The following POGK variants were observed in gnomAD, a reference collection of about 807,000 sequenced individuals.
The protein encoded by POGK is pogo transposable element derived with KRAB domain.
POGK carries 16 observed loss-of-function variants against 54.4 expected under a neutral mutation model. The ratio of observed to expected loss-of-function variants is 0.29; its 90% CI spans 0.20 to 0.45. POGK has a LOEUF of 0.45. Ranked by LOEUF, POGK falls within the 20% of genes least tolerant of loss-of-function variation. The pLI, the probability that POGK is intolerant of heterozygous loss-of-function variation, is 1.00. For synonymous variants in POGK, 271 were observed against 302.2 expected, an observed-to-expected ratio of 0.90 and a Z score of 1.07; for missense variants, 515 against 795.6, an observed-to-expected ratio of 0.65 and a Z score of 4.24.
chr1:166,849,654 C>G lies in POGK; in HGVS notation c.1075C>G (p.Gln359Glu), dbSNP rs1433793683. 6.2e-7 allele frequency: 1 copy of G among 1,614,248 alleles called. No homozygotes were observed. Among genetic ancestry groups the G allele is most frequent in the Admixed American group, 1.7e-5 (1 of 60,038 alleles). ...LRRAHDYEVA[Q>E]MGNADETPIC... ...CAGGGCGCATGACTATGAGGTAGCT[C>G]AGATGGGGAATGCAGATGAGACGCC... The change falls in exon 5 of 6, where the codon CAG becomes GAG. Residue 359 changes from glutamine to glutamate, a missense_variant. By Grantham distance (29) the Gln-to-Glu change is conservative (BLOSUM62 2). Around this residue, in one of 2 missense-constraint regions of POGK, gnomAD observed 461 missense variants for 743.5 expected, o/e 0.62. Transcript: ENST00000367876.
intron 5 of POGK, chr1:166,851,394 A>G (rs1354744272): frequency 2.0e-5 from 3 of 152,262 alleles, no homozygotes; most frequent in African/African-American, 7.2e-5. Flanking sequence ...GGGCTATGAC[A>G]ATAATTTCCT....
chr1:166,844,843 G>C (rs1053784358), intron 2 of POGK, among the ~76,000 whole-genome samples: 1 of 152,208 alleles, frequency 6.6e-6, no homozygotes, highest in East Asian at 1.9e-4. Flanking sequence ...TCAGGGACAT[G>C]TGGGTGTGCT....
At chr1:166,852,518 T>C (rs1237923115) in intron 5 of POGK, 67 bp from the exon 6 acceptor site, 1 of 152,054 alleles carries the variant, frequency 6.6e-6, no homozygotes, top group Admixed American at 6.6e-5. Context: ...GATGGAATTA[T>C]TATGTTTGTT....
At chr1:166,850,604 G>C (rs1293126097) in intron 5 of POGK, 181 bp downstream of exon 5, 2 of 619,336 alleles carry the variant, frequency 3.2e-6, no homozygotes, top group Non-Finnish European at 5.3e-6. Flanking sequence ...TCAGGAACTG[G>C]GCTGCACAGC....
rs761226313 is a variant in POGK, at chr1:166,854,527, A to G, written c.*1957A>G. On this transcript the variant is annotated 3_prime_UTR_variant, in exon 6 of 6. Transcript: ENST00000367876. The stretch of plus-strand genomic sequence containing the variant: ...TTAGCATTGTGAAAAGTTACATTCA[A>G]GGTATTGGCTACACCTTATTCTCCA... 2 of 152,340 alleles carry G rather than the reference A, an allele frequency of 1.3e-5. No homozygotes were observed. The highest frequency in any genetic ancestry group is 2.1e-4 in the South Asian group (1 of 4,820). The allele number at this position is 152,340 out of a possible 1,614,324, so 9.4% of individuals were successfully genotyped here.
Position 166,849,455 on chromosome 1 carries a change from C to T in POGK, c.876C>T (p.Ile292=), listed in dbSNP as rs746494790. 1.7e-5 allele frequency: 27 copies of T among 1,614,124 alleles called. No homozygotes were observed. The highest frequency in any genetic ancestry group is 2.1e-5 in the Non-Finnish European group (25 of 1,180,048). Residue 292 remains isoleucine (I), a synonymous_variant, in exon 5 of 6, where the codon ATC becomes ATT. Transcript: ENST00000367876. Reference sequence around the variant, plus strand: ...CGATGCAGCTGAAAGCTCTCGAAATCGCCCAGGAAATGAACATTCCAGAGA... The same window carrying T: ...CGATGCAGCTGAAAGCTCTCGAAATTGCCCAGGAAATGAACATTCCAGAGA... ...REAMQLKALE[I]AQEMNIPEKG...
Position 166,850,343 on chromosome 1 carries a change from T to G in POGK, c.1764T>G (p.Ser588Arg). The G allele has an allele frequency of 1.2e-6, 2 of 1,612,856 alleles. No homozygotes were observed. The highest frequency in any genetic ancestry group is 1.7e-6 in the Non-Finnish European group (2 of 1,179,662). ...ACGATGTCCTGTGGGAAATCGAGAG[T>G]GAGTTGCCAGGAGGAGGAGAACCAC... ...EEDDVLWEIE[S>R]ELPGGGEPPK... Residue 588 changes from serine to arginine, a missense_variant, in exon 5 of 6, where the codon AGT becomes AGG. This residue lies in a region of POGK where 461 missense variants were observed against 743.5 expected (regional missense o/e 0.62). Coordinates refer to ENST00000367876, the MANE Select transcript of POGK (RefSeq NM_017542.5).
At position 166,856,200 on chromosome 1, in the gene POGK, T is replaced by C. The variant is rs1023233585; in HGVS notation, c.*3630T>C. On this transcript the variant is annotated 3_prime_UTR_variant, in exon 6 of 6. Coordinates refer to ENST00000367876, the MANE Select transcript of POGK (RefSeq NM_017542.5). ...AAAATTTTAAATTAGCCGGGCATGG[T>C]GGTGTGAATCTGTAGTCCCAGCTAC... is the stretch of plus-strand genomic sequence containing the variant. 2 of 151,878 alleles carry C rather than the reference T, an allele frequency of 1.3e-5. No homozygotes were observed. The highest frequency in any genetic ancestry group is 4.8e-5 in the African/African-American group (2 of 41,332). 9.4% of individuals were successfully genotyped at this position (151,878 alleles called of 1,614,324 possible).
At chr1:166,844,945 G>T (rs1296702065) in intron 2 of POGK, among the ~76,000 whole-genome samples, 1 of 152,164 alleles carries the variant, frequency 6.6e-6, no homozygotes. Context: ...CAAGAAAGGG[G>T]AGGCCCTCCA....
At position 166,850,467 on chromosome 1, in the gene POGK, C is replaced by CT. The variant is rs1658017665; in HGVS notation, c.*14+45dup. 4 of 1,523,974 alleles carry CT rather than the reference C, an allele frequency of 2.6e-6. No homozygotes were observed. In the South Asian group the frequency reaches 3.9e-5, roughly 15 times the overall value. 94.4% of individuals were successfully genotyped at this position (1,523,974 alleles called of 1,614,324 possible). On this transcript the variant is annotated intron_variant, in intron 5 of 5. Coordinates refer to ENST00000367876, the MANE Select transcript of POGK (RefSeq NM_017542.5). ...ATACTCAGTGCCTTTGCTGACATGT[C>CT]TGTGTTCTACAAACACCTTCTCTCC...
chr1:166,840,637 C>A (rs550949251), intron 1 of POGK, among the ~76,000 whole-genome samples: 1 of 152,344 alleles, frequency 6.6e-6, no homozygotes, highest in Non-Finnish European at 1.5e-5. Context: ...CTGCTTAAAA[C>A]CTTTTCCAGG....
rs770373506 is a variant in POGK, at chr1:166,853,468, C to A, written c.*898C>A. 2.0e-5 allele frequency: 3 copies of A among 152,514 alleles called. No individual in the cohort carries two copies. The highest frequency in any genetic ancestry group is 6.5e-5 in the Admixed American group (1 of 15,268). 9.4% of individuals were successfully genotyped at this position (152,514 alleles called of 1,614,324 possible). On this transcript the variant is annotated 3_prime_UTR_variant, in exon 6 of 6. Coordinates refer to ENST00000367876, the MANE Select transcript of POGK (RefSeq NM_017542.5). ...CATCTGATGCTTGTTTTGTTAATTT[C>A]TTTAATATTTTTATCACGGGGCAGT...
At chr1:166,840,078 C>T (rs901760622) in intron 1 of POGK, 1 of 152,216 alleles carries the variant, frequency 6.6e-6, no homozygotes, top group Non-Finnish European at 1.5e-5. Context: ...CCGCGTTCGC[C>T]TATCTTTTTT....
Position 166,849,089 on chromosome 1 carries a change from C to G in POGK, c.510C>G (p.Phe170Leu). Reference sequence around the variant, plus strand: ...CCGAGTGGAGTGAGGGGTACCCCTTCTACATGGCCATGGGCTTCCCAGGGT... The same window carrying G: ...CCGAGTGGAGTGAGGGGTACCCCTTGTACATGGCCATGGGCTTCCCAGGGT... Reference protein sequence around the residue: ...ELPEWSEGYPFYMAMGFPGYD... With the variant: ...ELPEWSEGYPLYMAMGFPGYD... The change falls in exon 5 of 6, where the codon TTC becomes TTG. Residue 170 changes from phenylalanine (F) to leucine (L), a missense_variant. Phe to Leu is a conservative substitution (Grantham distance 22). Coordinates refer to ENST00000367876, the MANE Select transcript of POGK (RefSeq NM_017542.5). 6.2e-7 allele frequency: 1 copy of G among 1,614,180 alleles called. No individual in the cohort carries two copies. The highest frequency in any genetic ancestry group is 2.2e-5 in the East Asian group (1 of 44,872).
chr1:166,845,539 G>A (rs1370912126), intron 2 of POGK, among the ~76,000 whole-genome samples: 1 of 152,114 alleles, frequency 6.6e-6, no homozygotes, highest in Admixed American at 6.5e-5. Context: ...GTAAGTGACT[G>A]TTGGCCTGAC....
chr1:166,841,661 A>G (rs549985439), intron 2 of POGK, among the ~76,000 whole-genome samples: 1 of 152,366 alleles, frequency 6.6e-6, no homozygotes, highest in South Asian at 2.1e-4. Context: ...ATAGTTACAG[A>G]TAGTTATTCA....
Position 166,849,380 on chromosome 1 carries a change from C to T in POGK, c.801C>T (p.Ala267=), listed in dbSNP as rs1657970085. ...TTGCTCTGGTGGACCAGCGTGTGGC[C>T]GAATATGTCAGATACATGCAGGCCA... The part of the protein sequence containing the change: ...GRFALVDQRV[A]EYVRYMQAKG... Residue 267 remains alanine (A), a synonymous_variant, in exon 5 of 6, where the codon GCC becomes GCT. Transcript: ENST00000367876. 8.7e-6 allele frequency: 14 copies of T among 1,614,006 alleles called. No homozygotes were observed. Among genetic ancestry groups the T allele is most frequent in the East Asian group, 2.2e-5 (1 of 44,886 alleles).
rs1658227669 is a variant in POGK, at chr1:166,855,068, T to G, written c.*2498T>G. On this transcript the variant is annotated 3_prime_UTR_variant, in exon 6 of 6. Coordinates refer to ENST00000367876, the MANE Select transcript of POGK (RefSeq NM_017542.5). ...TCAGGCAATGGAAAGGAAAAGTGTTTGTCCTTGGTTGATCAGAGAAGTGGG... is the reference window on the plus strand; with the variant it reads ...TCAGGCAATGGAAAGGAAAAGTGTTGGTCCTTGGTTGATCAGAGAAGTGGG... 1 of 150,826 alleles carries G rather than the reference T, an allele frequency of 6.6e-6. No individual in the cohort carries two copies. The highest frequency in any genetic ancestry group is 2.1e-4 in the South Asian group (1 of 4,828). 9.3% of individuals were successfully genotyped at this position (150,826 alleles called of 1,614,324 possible). A position where few individuals can be genotyped will look rare whatever the true frequency, so the allele number is the denominator to read the frequency against.
chr1:166,842,767 G>A (rs144719950), intron 2 of POGK, among the ~76,000 whole-genome samples: 1 of 152,194 alleles, frequency 6.6e-6, no homozygotes, highest in African/African-American at 2.4e-5. Flanking sequence ...GGGACTGGGA[G>A]ATCCTCCTGG....
Sources: allele counts gnomAD v4.1 joint callset (sites outside exome capture counted in the v4.1 genomes callset), GRCh38; gene constraint gnomAD v4.1.1; regional missense constraint gnomAD v4.1.1; transcripts MANE v1.5; gene names NCBI Gene and HGNC (gene_info 2026-07-23, HGNC 2026-07-21).